Variants in ECT2 observed in about 807,000 individuals in gnomAD.
ECT2 encodes the protein epithelial cell transforming 2.
A neutral mutation model predicts 116.9 loss-of-function variants in ECT2; 61 were observed. That is an observed-to-expected ratio of 0.52 (90% CI 0.42 to 0.65). The LOEUF (loss-of-function observed/expected upper bound fraction) is 0.65. ECT2 is among the 30% of genes least tolerant of loss of function. The probability of loss-of-function intolerance (pLI) is 0.00; values close to 1 mark genes in which losing one functional copy is unlikely to be tolerated. For synonymous variants in ECT2, 358 were observed against 346.4 expected (o/e 1.03, Z -0.37); for missense variants, 937 against 1,078.7 (o/e 0.87, Z 1.84).
intron 18 of ECT2, among the ~76,000 whole-genome samples, chr3:172,795,397 T>G (rs774571375): frequency 2.0e-5 from 3 of 152,130 alleles, no homozygotes; most frequent in Non-Finnish European, 2.9e-5. Context: ...TTAGACAGTT[T>G]TATGTTTGTT....
chr3:172,782,660 G>A (rs1255521459), intron 15 of ECT2, among the ~76,000 whole-genome samples: 1 of 152,136 alleles, frequency 6.6e-6, no homozygotes, highest in Non-Finnish European at 1.5e-5. Flanking sequence ...GTACCTATTA[G>A]TTATTTTTCC....
chr3:172,813,513 A>G (rs1351045628), intron 22 of ECT2, among the ~76,000 whole-genome samples: 1 of 152,074 alleles, frequency 6.6e-6, no homozygotes, highest in African/African-American at 2.4e-5. Flanking sequence ...AATTACCAAC[A>G]TGTGGTTTAA....
chr3:172,790,887 G>C (rs1724529622), intron 18 of ECT2, among the ~76,000 whole-genome samples: 1 of 152,212 alleles, frequency 6.6e-6, no homozygotes, highest in African/African-American at 2.4e-5. Flanking sequence ...GGATGCAGTG[G>C]CTCATGCCAG....
intron 14 of ECT2, among the ~76,000 whole-genome samples, chr3:172,775,521 A>G (rs925345702): frequency 1.3e-5 from 2 of 152,194 alleles, no homozygotes; most frequent in African/African-American, 2.4e-5. Flanking sequence ...TCCTATTCCA[A>G]TTAGGATTCT....
At chr3:172,807,548 TATC>T (rs781428234) in intron 21 of ECT2, among the ~76,000 whole-genome samples, 12 of 152,244 alleles carry the variant, frequency 7.9e-5, no homozygotes, top group Non-Finnish European at 1.6e-4. Context: ...GTCATTAACT[TATC>T]ATCATCATTA....
intron 18 of ECT2, among the ~76,000 whole-genome samples, chr3:172,802,195 A>T (rs192122087): frequency 6.6e-6 from 1 of 151,752 alleles, no homozygotes; most frequent in Non-Finnish European, 1.5e-5. Context: ...ACTCACTGCA[A>T]CCTCCTCCTC....
chr3:172,826,965 A>G, the ECT2 span, among the ~76,000 whole-genome samples: 1 of 152,386 alleles, frequency 6.6e-6, no homozygotes, highest in Non-Finnish European at 1.5e-5. Context: ...ATCCAATTTT[A>G]AAATAGGTGA....
intron 23 of ECT2, 48 bp from the exon 24 acceptor site, chr3:172,816,643 G>C (rs745392945): frequency 3.9e-5 from 58 of 1,500,164 alleles, no homozygotes; most frequent in Non-Finnish European, 4.8e-5. Context: ...ATTCTCATCA[G>C]CTGTATTGAA....
the ECT2 span, among the ~76,000 whole-genome samples, chr3:172,827,151 G>A: frequency 8.6e-3 from 1,313 of 152,226 alleles, 10 homozygotes; most frequent in Non-Finnish European, 0.013. Context: ...GTTTGTTCGA[G>A]AACATAAAGG....
chr3:172,828,063 T>G, the ECT2 span, among the ~76,000 whole-genome samples: 1 of 151,678 alleles, frequency 6.6e-6, no homozygotes, highest in Non-Finnish European at 1.5e-5. Flanking sequence ...ACAAAATCAA[T>G]ATACAAATAG....
At position 172,769,696 on chromosome 3, in the gene ECT2, G is replaced by T. The variant is rs183767493; in HGVS notation, c.1428+553G>T. On this transcript the variant is annotated intron_variant, in intron 13 of 24. Coordinates refer to ENST00000392692, the MANE Select transcript of ECT2 (RefSeq NM_001258315.2). ...AATGTACTATAAAGTTATTTCTGAA[G>T]AAAACAGCTCTAATGAATCCTTGTA... Among the ~76,000 whole-genome samples the T allele has an allele frequency of 7.2e-5, 11 of 152,206 alleles. No homozygotes were observed. The East Asian group carries it at 2.1e-3, about 29-fold the overall frequency.
chr3:172,799,629 G>T (rs368960420), intron 18 of ECT2, among the ~76,000 whole-genome samples: 2 of 152,060 alleles, frequency 1.3e-5, no homozygotes, highest in East Asian at 3.8e-4. Context: ...CTGTAGAGTT[G>T]GCATTCTTTG....
chr3:172,771,476 C>G (rs538016278), intron 13 of ECT2: 3 of 152,050 alleles, frequency 2.0e-5, no homozygotes, highest in African/African-American at 7.2e-5. Context: ...TCTTTGAGAC[C>G]GAGTAAACAA....
intron 6 of ECT2, among the ~76,000 whole-genome samples, chr3:172,759,692 C>T (rs1717836136): frequency 6.6e-6 from 1 of 152,156 alleles, no homozygotes; most frequent in Non-Finnish European, 1.5e-5. Flanking sequence ...GATCCGCTTG[C>T]CTCGGCCTCC....
chr3:172,814,811 A>G (rs1431290603), intron 22 of ECT2, among the ~76,000 whole-genome samples: 1 of 152,140 alleles, frequency 6.6e-6, no homozygotes, highest in East Asian at 1.9e-4. Context: ...TGAACCTTCA[A>G]AATCCACTAT....
At chr3:172,782,693 C>T (rs1341912907) in intron 15 of ECT2, among the ~76,000 whole-genome samples, 1 of 152,186 alleles carries the variant, frequency 6.6e-6, no homozygotes, top group Non-Finnish European at 1.5e-5. Flanking sequence ...TCCTCCTACC[C>T]TCCACCTTCC....
At chr3:172,773,391 C>T (rs933239092) in intron 13 of ECT2, among the ~76,000 whole-genome samples, 6 of 151,956 alleles carry the variant, frequency 3.9e-5, no homozygotes, top group Non-Finnish European at 5.9e-5. Context: ...CCTTGCCAAA[C>T]TCATTGTTAG....
chr3:172,804,216 A>T (rs1377162265), intron 20 of ECT2, among the ~76,000 whole-genome samples: 1 of 152,192 alleles, frequency 6.6e-6, no homozygotes, highest in Non-Finnish European at 1.5e-5. Context: ...TATAGAATAC[A>T]AGGGAATCTT....
intron 21 of ECT2, among the ~76,000 whole-genome samples, chr3:172,807,235 T>C (rs145011807): frequency 1.5e-4 from 23 of 152,304 alleles, no homozygotes; most frequent in African/African-American, 3.6e-4. Flanking sequence ...TTATACTATA[T>C]TGTTTAGGGA....
Sources: allele counts gnomAD v4.1 joint callset (sites outside exome capture counted in the v4.1 genomes callset), GRCh38; gene constraint gnomAD v4.1.1; transcripts MANE v1.5; gene names NCBI Gene and HGNC (gene_info 2026-07-23, HGNC 2026-07-21).